The following CBFA2T3 variants were observed in gnomAD, a reference collection of about 807,000 sequenced individuals.
CBFA2T3 encodes CBFA2/RUNX1 partner transcriptional co-repressor 3.
CBFA2T3 carries 31 observed loss-of-function variants against 58.6 expected under a neutral mutation model. That is an observed-to-expected ratio of 0.53 (90% confidence interval 0.40 to 0.71). CBFA2T3 has a LOEUF of 0.71. Ranked by LOEUF, CBFA2T3 falls within the 30% of genes least tolerant of loss-of-function variation. The probability of loss-of-function intolerance (pLI) is 0.00; values close to 1 mark genes in which losing one functional copy is unlikely to be tolerated. For missense variants in CBFA2T3, 1,076 were observed against 963.1 expected (o/e 1.12, Z -1.55); for synonymous variants, 531 against 421.9 (o/e 1.26, Z -3.17).
intron 1 of CBFA2T3, among the ~76,000 whole-genome samples, chr16:88,924,001 C>T (rs113552102): frequency 6.6e-6 from 1 of 152,196 alleles, no homozygotes; most frequent in Non-Finnish European, 1.5e-5. Context: ...GGGTGCACAG[C>T]GACCCAGCCA....
At chr16:88,889,747 G>T (rs922877491) in intron 5 of CBFA2T3, among the ~76,000 whole-genome samples, 1 of 149,588 alleles carries the variant, frequency 6.7e-6, no homozygotes, top group Admixed American at 6.7e-5. Flanking sequence ...CAAATCCCTG[G>T]ACGACGCCCC....
intron 1 of CBFA2T3, among the ~76,000 whole-genome samples, chr16:88,903,047 G>T (rs1970161603): frequency 6.6e-6 from 1 of 152,320 alleles, no homozygotes; most frequent in South Asian, 2.1e-4. Context: ...TTGGGGGCTG[G>T]TATCTGTCGT....
At chr16:88,914,214 T>C (rs1388115003) in intron 1 of CBFA2T3, among the ~76,000 whole-genome samples, 1 of 152,002 alleles carries the variant, frequency 6.6e-6, no homozygotes, top group African/African-American at 2.4e-5. Flanking sequence ...TTCTAGAAAA[T>C]TCAGAATCAG....
At chr16:88,925,796 C>A (rs918335556) in intron 1 of CBFA2T3, among the ~76,000 whole-genome samples, 4 of 152,222 alleles carry the variant, frequency 2.6e-5, no homozygotes, top group Admixed American at 6.5e-5. Flanking sequence ...CTCCTGCTCC[C>A]CGGCGACGGG....
chr16:88,914,597 C>G (rs1018480718), intron 1 of CBFA2T3, among the ~76,000 whole-genome samples: 4 of 152,220 alleles, frequency 2.6e-5, no homozygotes, highest in Non-Finnish European at 5.9e-5. Flanking sequence ...TTTAAAGCGA[C>G]CAGGGTGAGT....
intron 5 of CBFA2T3, among the ~76,000 whole-genome samples, chr16:88,889,421 G>C (rs897801049): frequency 6.7e-6 from 1 of 148,568 alleles, no homozygotes; most frequent in African/African-American, 2.5e-5. Flanking sequence ...GGGAGGGAGC[G>C]AGGGTGGGAA....
intron 3 of CBFA2T3, among the ~76,000 whole-genome samples, chr16:88,896,320 A>AT (rs1969885429): frequency 6.6e-6 from 1 of 152,156 alleles, no homozygotes; most frequent in Admixed American, 6.5e-5. Context: ...CAACCTGCAC[A>AT]GGGGGTAGCC....
At chr16:88,894,035 G>C (rs539849748) in intron 3 of CBFA2T3, among the ~76,000 whole-genome samples, 16 of 152,260 alleles carry the variant, frequency 1.1e-4, no homozygotes, top group African/African-American at 3.9e-4. Flanking sequence ...ACACACTCAC[G>C]GCTGGCTCCC....
intron 1 of CBFA2T3, among the ~76,000 whole-genome samples, chr16:88,920,267 T>G (rs1369060849): frequency 1.3e-5 from 2 of 152,170 alleles, no homozygotes; most frequent in Non-Finnish European, 2.9e-5. Flanking sequence ...AGGGGAGAAC[T>G]GAATTTTACA....
intron 1 of CBFA2T3, among the ~76,000 whole-genome samples, chr16:88,918,222 A>C (rs564138850): frequency 6.6e-6 from 1 of 152,330 alleles, no homozygotes; most frequent in African/African-American, 2.4e-5. Context: ...AAACACGCGC[A>C]CAAATGGCCT....
In CBFA2T3 at chr16:88,891,591, C is replaced by T. The variant is rs150451189; in HGVS notation, c.711+291G>A. ...CGGCCAACGGCAACCAGAGGCGAAC[C>T]GGACAGCTCTGTCCTGTGCTGGATT... On this transcript the variant is annotated intron_variant, in intron 5 of 11. Coordinates refer to ENST00000268679, the MANE Select transcript of CBFA2T3 (RefSeq NM_005187.6). Among the ~76,000 whole-genome samples, 184 of 152,326 alleles carry T rather than the reference C, an allele frequency of 1.2e-3. 1 individual carries two copies. Among genetic ancestry groups the T allele is most frequent in the African/African-American group, 4.0e-3 (165 of 41,580 alleles).
intron 1 of CBFA2T3, among the ~76,000 whole-genome samples, chr16:88,962,243 C>G (rs1329921672): frequency 6.6e-6 from 1 of 152,264 alleles, no homozygotes; most frequent in Admixed American, 6.5e-5. Flanking sequence ...AACTGACACT[C>G]AGCACTCGGC....
At chr16:88,895,470 C>T (rs549865301) in intron 3 of CBFA2T3, among the ~76,000 whole-genome samples, 4 of 152,306 alleles carry the variant, frequency 2.6e-5, no homozygotes, top group South Asian at 2.1e-4. Context: ...AAATGGGCTC[C>T]GAGGAACCGA....
intron 1 of CBFA2T3, among the ~76,000 whole-genome samples, chr16:88,928,229 G>A (rs1352668090): frequency 6.6e-6 from 1 of 152,232 alleles, no homozygotes; most frequent in Non-Finnish European, 1.5e-5. Flanking sequence ...ACTGGGGCCC[G>A]GGGCAGCTTC....
At position 88,977,161 on chromosome 16, in the gene CBFA2T3, A is replaced by T. The variant is rs1262158426; in HGVS notation, c.-354T>A. ...GCCCGCCACTTCCCTGACAGGAACCATCTGGGGCCCTGCCCTGCGCGGCCT... is the reference window on the plus strand; with the variant it reads ...GCCCGCCACTTCCCTGACAGGAACCTTCTGGGGCCCTGCCCTGCGCGGCCT... On this transcript the variant is annotated 5_prime_UTR_variant, in exon 1 of 12. It removes an upstream start codon present in the reference 5' UTR. Coordinates refer to ENST00000268679, the MANE Select transcript of CBFA2T3 (RefSeq NM_005187.6). 3.4e-6 allele frequency: 1 copy of T among 295,902 alleles called. No homozygotes were observed. The highest frequency in any genetic ancestry group is 5.0e-5 in the East Asian group (1 of 19,990). 18.3% of individuals were successfully genotyped at this position (295,902 alleles called of 1,614,324 possible).
rs1969645506 is a variant in CBFA2T3, at chr16:88,891,877, A to G, written c.711+5T>C. On this transcript the variant is annotated splice_donor_5th_base_variant and intron_variant, in intron 5 of 11. Coordinates refer to ENST00000268679, the MANE Select transcript of CBFA2T3 (RefSeq NM_005187.6). ...CCGCAGCACGGGGGACGGGTTTCGC[A>G]TTACCTTCAGGAAGGGAATGACAAA... is the stretch of plus-strand genomic sequence containing the variant. 1.2e-6 allele frequency: 2 copies of G among 1,606,798 alleles called. No homozygotes were observed. Among genetic ancestry groups the G allele is most frequent in the Non-Finnish European group, 8.5e-7 (1 of 1,174,568 alleles).
intron 1 of CBFA2T3, chr16:88,941,990 A>G (rs1353905430): frequency 1.3e-5 from 2 of 151,430 alleles, no homozygotes; most frequent in Non-Finnish European, 2.9e-5. Context: ...CGTGGCCGGC[A>G]GGGGTCGCGC....
chr16:88,895,479 G>C (rs7206776), intron 3 of CBFA2T3, among the ~76,000 whole-genome samples: 1 of 152,068 alleles, frequency 6.6e-6, no homozygotes, highest in African/African-American at 2.4e-5. Context: ...CCGAGGAACC[G>C]AAGACACACA....
intron 1 of CBFA2T3, chr16:88,939,969 G>T (rs1971653245): frequency 6.6e-6 from 1 of 151,762 alleles, no homozygotes; most frequent in South Asian, 2.1e-4. Context: ...CGACCCGTCC[G>T]CCGAGGTGGC....
Sources: allele counts gnomAD v4.1 joint callset (sites outside exome capture counted in the v4.1 genomes callset), GRCh38; gene constraint gnomAD v4.1.1; transcripts MANE v1.5; gene names NCBI Gene and HGNC (gene_info 2026-07-23, HGNC 2026-07-21).